The following NLRP1 variants were observed in gnomAD, a reference collection of about 807,000 sequenced individuals.
NLRP1 encodes NLR family pyrin domain containing 1, also known as NACHT, LRR and PYD domains-containing protein 1.
Under a neutral mutation model 136.7 loss-of-function variants are expected in NLRP1, and 94 were observed. The ratio of observed to expected loss-of-function variants is 0.69; its 90% CI spans 0.58 to 0.82. The LOEUF is 0.82. NLRP1 is among the 40% of genes least tolerant of loss of function. The pLI is 0.00. For synonymous variants in NLRP1, 690 were observed against 725.1 expected (o/e 0.95, Z 0.78); for missense variants, 1,575 against 1,802.7 (o/e 0.87, Z 2.29).
chr17:5,545,455 CACACATACAG>C (rs1280449526), intron 5 of NLRP1, among the ~76,000 whole-genome samples: 2 of 130,260 alleles, frequency 1.5e-5, no homozygotes, highest in African/African-American at 7.9e-5. Context: ...GACACACAGA[CACACATACAG>C]ACACACACAC....
At chr17:5,555,763 G>A (rs1189641485) in intron 4 of NLRP1, among the ~76,000 whole-genome samples, 1 of 152,158 alleles carries the variant, frequency 6.6e-6, no homozygotes, top group Non-Finnish European at 1.5e-5. Context: ...GGAATAGCAT[G>A]TGGTCATTCA....
chr17:5,577,186 C>A (rs1244246570), intron 3 of NLRP1, among the ~76,000 whole-genome samples: 2 of 152,130 alleles, frequency 1.3e-5, no homozygotes, highest in Non-Finnish European at 2.9e-5. Context: ...GCAAGCATTC[C>A]CTTTGAAAAC....
Position 5,583,822 on chromosome 17 carries a change from C to T in NLRP1, c.136G>A (p.Glu46Lys). Residue 46 changes from glutamate (E) to lysine (K), a missense_variant, in exon 1 of 17, where the codon GAG becomes AAG. Transcript: ENST00000572272. The surrounding 1 kb of genome is among the most constrained non-coding windows in gnomAD (Gnocchi z 4.5). ...GCCACCTCCATGCCACTCGTCTTCT[C>T]TGGCTGAGCGGGTGTCTCACCCGAA... ...SSSGETPAQP[E>K]KTSGMEVASY... The T allele has an allele frequency of 6.4e-7, 1 of 1,563,582 alleles. No homozygotes were observed. The highest frequency in any genetic ancestry group is 1.2e-5 in the South Asian group (1 of 85,312).
chr17:5,555,162 C>T (rs1426075606), intron 4 of NLRP1, among the ~76,000 whole-genome samples: 2 of 152,072 alleles, frequency 1.3e-5, no homozygotes, highest in Non-Finnish European at 2.9e-5. Context: ...TTGGCATTTG[C>T]CATCCTTAAT....
At chr17:5,515,389 CCTTT>C in intron 16 of NLRP1, 80 bp downstream of exon 16, 1 of 1,195,244 alleles carries the variant, frequency 8.4e-7, no homozygotes, top group South Asian at 1.2e-5. Flanking sequence ...TGAGTCCCTT[CCTTT>C]CTCTCTTCCC....
chr17:5,558,454 C>T lies in NLRP1; in HGVS notation c.2242G>A (p.Asp748Asn), dbSNP rs1883601736. ...FEEMGMCVET[D>N]MELLVCTFCI... Reference sequence around the variant, plus strand: ...AAAGTGCACACTAAGAGCTCCATGTCTGTTTCTACACACATGCCCATTTCT... The same window carrying T: ...AAAGTGCACACTAAGAGCTCCATGTTTGTTTCTACACACATGCCCATTTCT... Residue 748 changes from aspartate (D) to asparagine (N), a missense_variant, in exon 4 of 17, where the codon GAC (aspartate) becomes AAC (asparagine). By Grantham distance (23) the Asp-to-Asn change is conservative. Transcript: ENST00000572272. 1.2e-6 allele frequency: 2 copies of T among 1,614,056 alleles called. No individual in the cohort carries two copies. Among genetic ancestry groups the T allele is most frequent in the Non-Finnish European group, 1.7e-6 (2 of 1,179,986 alleles).
chr17:5,512,048 T>G, downstream of NLRP1: 13 of 663,582 alleles, frequency 2.0e-5, 1 homozygote, highest in South Asian at 2.0e-4. Flanking sequence ...TATCAAAAAT[T>G]AACACCTTTA....
At chr17:5,553,602 G>C (rs762687870) in intron 4 of NLRP1, 46 bp from the exon 5 acceptor site, 64 of 1,563,962 alleles carry the variant, frequency 4.1e-5, no homozygotes, top group Non-Finnish European at 5.2e-5. Flanking sequence ...GTGTCTGGCA[G>C]GGGTTTGAGG....
intron 3 of NLRP1, among the ~76,000 whole-genome samples, chr17:5,560,504 C>T (rs1043682979): frequency 2.0e-5 from 3 of 152,200 alleles, no homozygotes; most frequent in Admixed American, 6.5e-5. Flanking sequence ...TATTGCAGTA[C>T]CTGCCAATGG....
Position 5,564,824 on chromosome 17 carries a change from G to A in NLRP1, c.653-4781C>T, listed in dbSNP as rs1042284631. On this transcript the variant is annotated intron_variant, in intron 3 of 16. Transcript: ENST00000572272. ...GCAATCTTGGCTCACTGCAAGCTCCGCCTCCTGGGTTCACACCATTCTGCT... is the reference window on the plus strand; with the variant it reads ...GCAATCTTGGCTCACTGCAAGCTCCACCTCCTGGGTTCACACCATTCTGCT... 4.4e-5 allele frequency among the ~76,000 whole-genome samples: 6 copies of A among 137,632 alleles called. No individual in the cohort carries two copies. The East Asian group carries it at 9.2e-4, about 21-fold the overall frequency. 90.3% of individuals were successfully genotyped at this position (137,632 alleles called of 152,430 possible).
chr17:5,556,703 AC>A (rs1914135086), intron 4 of NLRP1, among the ~76,000 whole-genome samples: 1 of 151,732 alleles, frequency 6.6e-6, no homozygotes, highest in Non-Finnish European at 1.5e-5. Context: ...GCTCACTGCA[AC>A]CTCTGCCCCT....
At position 5,583,689 on chromosome 17, in the gene NLRP1, G is replaced by A. The variant is rs1330146972; in HGVS notation, c.269C>T (p.Ala90Val). 6.4e-7 allele frequency: 1 copy of A among 1,553,116 alleles called. No homozygotes were observed. Among genetic ancestry groups the A allele is most frequent in the Non-Finnish European group, 8.7e-7 (1 of 1,148,714 alleles). Residue 90 changes from alanine to valine, a missense_variant and splice_region_variant, in exon 1 of 17, where the codon GCA (alanine) becomes GTA (valine). Ala to Val is a moderately conservative substitution (Grantham distance 64). Coordinates refer to ENST00000572272, the MANE Select transcript of NLRP1 (RefSeq NM_033004.4). This position sits in a 1 kb window ranked among gnomAD's most constrained non-coding sequence, Gnocchi z 4.5. ...RSLCAQAQEG[A>V]GHSPSFPYSP... ...AGTGGGGTCCTCTGTCCACTCACCT[G>A]CCCCTTCCTGGGCTTGGGCGCACAG...
At position 5,533,982 on chromosome 17, in the gene NLRP1, T is replaced by C. The variant is rs200565597; in HGVS notation, c.2967A>G (p.Pro989=). ...PQLLIFSRRK[P]SVMTPTEGLD... The stretch of plus-strand genomic sequence containing the variant: ...GGCCCTCAGTAGGGGTCATCACACT[T>C]GGTTTCCTGGACAAAGAATTGTTCA... Residue 989 remains proline (P), a synonymous_variant, in exon 9 of 17, where the codon CCA becomes CCG. Coordinates refer to ENST00000572272, the MANE Select transcript of NLRP1 (RefSeq NM_033004.4). 1.3e-5 allele frequency: 21 copies of C among 1,607,020 alleles called. No homozygotes were observed. Among genetic ancestry groups the C allele is most frequent in the Non-Finnish European group, 1.7e-5 (20 of 1,173,692 alleles).
chr17:5,564,579 T>C (rs918669057), intron 3 of NLRP1, among the ~76,000 whole-genome samples: 2 of 152,196 alleles, frequency 1.3e-5, no homozygotes, highest in Admixed American at 6.5e-5. Flanking sequence ...ACGTTTTCTA[T>C]ATCTGTTCAT....
At chr17:5,518,298 C>T (rs923989850) in intron 14 of NLRP1, 5 of 174,248 alleles carry the variant, frequency 2.9e-5, no homozygotes, top group Admixed American at 2.8e-4. Context: ...TGATTCCCCA[C>T]TGTCTTCCAA....
At chr17:5,515,420 C>G in intron 16 of NLRP1, 53 bp downstream of exon 16, 2 of 1,425,986 alleles carry the variant, frequency 1.4e-6, no homozygotes, top group Non-Finnish European at 9.9e-7. Flanking sequence ...CAGAACCAGA[C>G]AGTACCCCAG....
chr17:5,502,331 CCAGG>C (rs1907131260), intron 15 of NLRP1: 1 of 176,438 alleles, frequency 5.7e-6, no homozygotes, highest in Non-Finnish European at 1.2e-5. Flanking sequence ...GCTCTGTTGT[CCAGG>C]CTGGAGTGCA....
At position 5,520,961 on chromosome 17, in the gene NLRP1, G is replaced by C; in HGVS notation, c.3835C>G (p.Pro1279Ala). 1 of 1,612,458 alleles carries C rather than the reference G, an allele frequency of 6.2e-7. No homozygotes were observed. Among genetic ancestry groups the C allele is most frequent in the Non-Finnish European group, 8.5e-7 (1 of 1,179,184 alleles). The change falls in exon 14 of 17, where the codon CCC (proline) becomes GCC (alanine). Residue 1279 changes from proline to alanine, a missense_variant. Physicochemically the swap from Pro to Ala is conservative, Grantham distance 27. Transcript: ENST00000572272. ...KFQFVRIHKP[P>A]PLTPLYMGCR... ...CCCATATAAAGTGGGGTCAGCGGGGGTGGCTTGTGGATTCGCACAAACTGG... is the reference window on the plus strand; with the variant it reads ...CCCATATAAAGTGGGGTCAGCGGGGCTGGCTTGTGGATTCGCACAAACTGG...
chr17:5,511,765 C>CTT (rs1907649222), downstream of NLRP1, among the ~76,000 whole-genome samples: 4 of 138,900 alleles, frequency 2.9e-5, no homozygotes, highest in Admixed American at 6.9e-5. Flanking sequence ...CTTTTTCTTT[C>CTT]TCTTTCTCTT....
Sources: gnomAD v4.1 joint callset for allele counts (sites outside exome capture counted in the v4.1 genomes callset) on GRCh38, gnomAD v4.1.1 for gene constraint, Gnocchi (gnomAD v3.1) non-coding constraint, MANE v1.5 for transcripts, NCBI Gene and HGNC (gene_info 2026-07-23, HGNC 2026-07-21) for gene names.